The following GNAT3 variants were observed in gnomAD, a reference collection of about 807,000 sequenced individuals.
The protein encoded by GNAT3 is guanine nucleotide-binding protein G(t) subunit alpha-3.
In GNAT3, 31 loss-of-function variants were observed where a neutral mutation model predicts 37.7. That is an observed-to-expected ratio of 0.82 (90% CI 0.62 to 1.11). The LOEUF (loss-of-function observed/expected upper bound fraction) is 1.11, where lower values mean the gene tolerates loss of function less well. Ranked by LOEUF, GNAT3 falls within the 50% of genes most tolerant of loss-of-function variation. GNAT3 has a pLI of 0.00. For missense variants in GNAT3, 437 were observed against 412.5 expected, an observed-to-expected ratio of 1.06 and a Z score of -0.51; for synonymous variants, 138 against 139.8, an observed-to-expected ratio of 0.99 and a Z score of 0.09.
intron 3 of GNAT3, among the ~76,000 whole-genome samples, chr7:80,482,643 A>AGCTGAGACTACTTGGGAG (rs1584180088): frequency 1.3e-5 from 2 of 149,056 alleles, no homozygotes; most frequent in East Asian, 4.0e-4. Flanking sequence ...CCTCCCAAGT[A>AGCTGAGACTACTTGGGAG]GCTGAGACTA....
chr7:80,462,513 C>T lies in GNAT3; in HGVS notation c.709G>A (p.Asp237Asn), dbSNP rs2116138266. ...TCCTTTAGACTTACCACTTCTTCGT[C>T]TTCCACGAGGACCATGTCATAGGCA... is the stretch of plus-strand genomic sequence containing the variant. ...LSAYDMVLVE[D>N]EEVNRMHESL... The change falls in exon 6 of 8, where the codon GAC becomes AAC. Residue 237 changes from aspartate (D) to asparagine (N), a missense_variant. Coordinates refer to ENST00000398291, the MANE Select transcript of GNAT3 (RefSeq NM_001102386.3). 1 of 1,613,102 alleles carries T rather than the reference C, an allele frequency of 6.2e-7. No individual in the cohort carries two copies. The highest frequency in any genetic ancestry group is 8.5e-7 in the Non-Finnish European group (1 of 1,179,628).
intron 1 of GNAT3, among the ~76,000 whole-genome samples, chr7:80,504,642 G>A (rs546640849): frequency 7.0e-4 from 107 of 152,228 alleles, no homozygotes; most frequent in Non-Finnish European, 1.2e-3. Flanking sequence ...ATGACAAAAT[G>A]AAAAATAATT....
intron 1 of GNAT3, among the ~76,000 whole-genome samples, chr7:80,504,311 T>TA (rs946161181): frequency 8.0e-5 from 12 of 150,652 alleles, no homozygotes; most frequent in South Asian, 4.2e-4. Context: ...ACCCTGTCTT[T>TA]AAAAAAAAAG....
intron 2 of GNAT3, among the ~76,000 whole-genome samples, chr7:80,491,524 T>C (rs1203991274): frequency 1.3e-5 from 2 of 152,202 alleles, no homozygotes; most frequent in East Asian, 3.9e-4. Context: ...CCTGGTACAG[T>C]AGAGACACTA....
intron 3 of GNAT3, among the ~76,000 whole-genome samples, chr7:80,482,008 T>G (rs570615123): frequency 1.8e-4 from 27 of 152,166 alleles, no homozygotes; most frequent in Non-Finnish European, 2.9e-4. Flanking sequence ...GTAACTTTAA[T>G]CCCCATAGAA....
At chr7:80,471,196 C>T (rs1488481509) in intron 5 of GNAT3, among the ~76,000 whole-genome samples, 1 of 149,734 alleles carries the variant, frequency 6.7e-6, no homozygotes, top group Non-Finnish European at 1.5e-5. Flanking sequence ...TGTCTTTTCA[C>T]ATTTTTCTGC....
intron 3 of GNAT3, among the ~76,000 whole-genome samples, chr7:80,487,488 T>A (rs1790510068): frequency 6.6e-6 from 1 of 152,176 alleles, no homozygotes; most frequent in African/African-American, 2.4e-5. Flanking sequence ...AAGGGGGATT[T>A]CCCCTTTCTT....
intron 1 of GNAT3, among the ~76,000 whole-genome samples, chr7:80,506,623 G>T (rs964578137): frequency 6.6e-6 from 1 of 152,128 alleles, no homozygotes; most frequent in Non-Finnish European, 1.5e-5. Flanking sequence ...CTCCAAGTAG[G>T]TCTTTTCTGC....
In GNAT3 at chr7:80,477,284, G is replaced by A. The variant is rs573838250; in HGVS notation, c.461+1557C>T. Among the ~76,000 whole-genome samples, 6 of 152,154 alleles carry A rather than the reference G, an allele frequency of 3.9e-5. No individual in the cohort carries two copies. The East Asian group carries it at 7.7e-4, about 20-fold the overall frequency. On this transcript the variant is annotated intron_variant, in intron 4 of 7. Transcript: ENST00000398291. ...AGCTCTCTACCCAGAGCTTTACTAA[G>A]CAAGATTTTATGGAAATATTCCACA... is the stretch of plus-strand genomic sequence containing the variant.
intron 4 of GNAT3, among the ~76,000 whole-genome samples, chr7:80,477,337 C>T (rs1203715650): frequency 3.9e-5 from 6 of 152,048 alleles, no homozygotes; most frequent in African/African-American, 1.4e-4. Context: ...TTGTGACTAC[C>T]TTTACCAATG....
intron 1 of GNAT3, among the ~76,000 whole-genome samples, chr7:80,498,832 T>C (rs28671281): frequency 0.072 from 10,935 of 152,178 alleles, 958 homozygotes; most frequent in African/African-American, 0.21. Context: ...TAATTAAATA[T>C]TTAAATTTAT....
At chr7:80,458,903 T>C (rs1392396299) in intron 7 of GNAT3, 42 bp from the exon 8 acceptor site, 2 of 1,310,286 alleles carry the variant, frequency 1.5e-6, no homozygotes, top group Admixed American at 5.5e-5. Flanking sequence ...ATTAATCATA[T>C]GTTACAAAGA....
intron 3 of GNAT3, among the ~76,000 whole-genome samples, chr7:80,480,358 T>C (rs560517575): frequency 1.3e-5 from 2 of 152,144 alleles, no homozygotes; most frequent in South Asian, 4.1e-4. Flanking sequence ...TAGAAACGAG[T>C]AAACCAGTAA....
intron 5 of GNAT3, among the ~76,000 whole-genome samples, chr7:80,467,474 C>G (rs1000876774): frequency 3.3e-5 from 5 of 152,040 alleles, no homozygotes; most frequent in Admixed American, 1.3e-4. Context: ...CTCTTGGACA[C>G]TATGTTAGCT....
intron 1 of GNAT3, among the ~76,000 whole-genome samples, chr7:80,508,505 A>G (rs1790992637): frequency 6.6e-6 from 1 of 152,082 alleles, no homozygotes. Flanking sequence ...TTTTCTTATT[A>G]AAATGTGCTC....
Position 80,474,374 on chromosome 7 carries a change from A to G in GNAT3, c.467T>C (p.Leu156Pro). The G allele has an allele frequency of 1.3e-6, 2 of 1,531,604 alleles. No individual in the cohort carries two copies. The highest frequency in any genetic ancestry group is 1.8e-6 in the Non-Finnish European group (2 of 1,131,368). 94.9% of individuals were successfully genotyped at this position (1,531,604 alleles called of 1,614,324 possible). ...TGCTGTTATTCTATCTAAATCATTAAGGTAGCTAATAAAGACAAAACAAAA... is the reference window on the plus strand; with the variant it reads ...TGCTGTTATTCTATCTAAATCATTAGGGTAGCTAATAAAGACAAAACAAAA... ...YQLNDSAAYY[L>P]NDLDRITASG... The change falls in exon 5 of 8, where the codon CTT (leucine) becomes CCT (proline). Residue 156 changes from leucine (L) to proline (P), a missense_variant. By Grantham distance (98) the Leu-to-Pro change is moderately conservative. Coordinates refer to ENST00000398291, the MANE Select transcript of GNAT3 (RefSeq NM_001102386.3).
chr7:80,482,655 A>G (rs2116178908), intron 3 of GNAT3, among the ~76,000 whole-genome samples: 1 of 149,258 alleles, frequency 6.7e-6, no homozygotes, highest in Admixed American at 6.7e-5. Flanking sequence ...CTGAGACTAC[A>G]GGTGCACACC....
At chr7:80,475,492 A>C (rs1199116680) in intron 4 of GNAT3, among the ~76,000 whole-genome samples, 3 of 152,156 alleles carry the variant, frequency 2.0e-5, no homozygotes, top group Admixed American at 6.6e-5. Context: ...TACAAATAGT[A>C]ATAGCATGGT....
intron 4 of GNAT3, among the ~76,000 whole-genome samples, chr7:80,474,724 G>A (rs1790277189): frequency 6.6e-6 from 1 of 152,088 alleles, no homozygotes; most frequent in South Asian, 2.1e-4. Flanking sequence ...TATTTTATGT[G>A]GTTTGTGTGA....
Sources: allele counts gnomAD v4.1 joint callset (sites outside exome capture counted in the v4.1 genomes callset), GRCh38; gene constraint gnomAD v4.1.1; transcripts MANE v1.5; gene names NCBI Gene and HGNC (gene_info 2026-07-23, HGNC 2026-07-21).